Variants in ANO1 observed in about 807,000 individuals in gnomAD.
ANO1 encodes the protein anoctamin-1.
ANO1 carries 59 observed loss-of-function variants against 124.0 expected under a neutral mutation model. The ratio of observed to expected loss-of-function variants is 0.48; its 90% confidence interval spans 0.39 to 0.59. The LOEUF (loss-of-function observed/expected upper bound fraction) is 0.59. Among genes scored for constraint, ANO1 ranks in the 20% least tolerant of loss-of-function variants. The pLI is 0.00. For missense variants in ANO1, 1,059 were observed against 1,328.0 expected (o/e 0.80, Z 3.15); for synonymous variants, 529 against 532.0 (o/e 0.99, Z 0.08).
At chr11:69,989,181 G>A (rs782001132) in intron 1 of ANO1, among the ~76,000 whole-genome samples, 1 of 152,154 alleles carries the variant, frequency 6.6e-6, no homozygotes, top group Non-Finnish European at 1.5e-5. Flanking sequence ...ATGGCACAGA[G>A]AGATTATTTA....
rs549885904 is a variant in ANO1, at chr11:70,004,252, G to T, written c.58+18086G>T. On this transcript the variant is annotated intron_variant, in intron 1 of 27. Coordinates refer to the ANO1 transcript ENST00000531349. ...TGGTCTGTGCTAGACGTGAGCTTTA[G>T]AGTAGTGAGATGTAGTCCAGAACAC... Among the ~76,000 whole-genome samples, 483 of 152,056 alleles carry T rather than the reference G, an allele frequency of 3.2e-3. 4 individuals are homozygous for T. Among genetic ancestry groups the T allele is most frequent in the African/African-American group, 0.011 (463 of 41,514 alleles).
intron 1 of ANO1, among the ~76,000 whole-genome samples, chr11:70,058,018 A>G (rs1424031644): frequency 1.3e-5 from 2 of 152,160 alleles, no homozygotes; most frequent in Non-Finnish European, 2.9e-5. Flanking sequence ...GGGTAATTAG[A>G]GTGGGAGAGA....
intron 21 of ANO1, among the ~76,000 whole-genome samples, chr11:70,169,068 T>A (rs1341330246): frequency 1.3e-5 from 2 of 152,060 alleles, no homozygotes; most frequent in African/African-American, 2.4e-5. Context: ...GTCTGGGAGG[T>A]GGCTTCCCCT....
rs1050653790 is a variant in ANO1, at chr11:70,166,302, A to G, written c.2051+732A>G. On this transcript the variant is annotated intron_variant, in intron 20 of 25. Coordinates refer to ENST00000355303, the MANE Select transcript of ANO1 (RefSeq NM_018043.7). Reference sequence around the variant, plus strand: ...CACTGCACTCCAGCCTGGGCGACAGACCGAGACTCCGTCTCAAAAAAATAA... The same window carrying G: ...CACTGCACTCCAGCCTGGGCGACAGGCCGAGACTCCGTCTCAAAAAAATAA... Among the ~76,000 whole-genome samples the G allele has an allele frequency of 2.0e-5, 3 of 152,216 alleles. 1 individual carries two copies. Among genetic ancestry groups the G allele is most frequent in the Non-Finnish European group, 4.4e-5 (3 of 68,042 alleles).
chr11:70,022,666 A>C lies in ANO1; in HGVS notation c.58+36500A>C, dbSNP rs1057394580. Among the ~76,000 whole-genome samples the C allele has an allele frequency of 3.9e-4, 59 of 151,686 alleles. 2 individuals are homozygous for C. The highest frequency in any genetic ancestry group is 2.5e-3 in the Admixed American group (38 of 15,242). On this transcript the variant is annotated intron_variant, in intron 1 of 27. Transcript: ENST00000531349. The stretch of plus-strand genomic sequence containing the variant: ...TGGCCCCATAGAGCCAGCCTCACCT[A>C]GCTTGCTTTCCCCCAAATTTGAGTG...
rs200606553 is a variant in ANO1, at chr11:70,167,291, C to T, written c.2101C>T (p.Pro701Ser). The change falls in exon 21 of 26, where the codon CCT becomes TCT. Residue 701 changes from proline (P) to serine (S), a missense_variant. Pro to Ser is a moderately conservative substitution (Grantham distance 74). Coordinates refer to ENST00000355303, the MANE Select transcript of ANO1 (RefSeq NM_018043.7). ...CCTGAAGCTGAAGCAGCAGAGCCCCCCTGACCACGAGGAGTGTGTGAAGAG... is the reference window on the plus strand; with the variant it reads ...CCTGAAGCTGAAGCAGCAGAGCCCCTCTGACCACGAGGAGTGTGTGAAGAG... ...RYLKLKQQSP[P>S]DHEECVKRKQ... The T allele has an allele frequency of 5.0e-6, 8 of 1,613,878 alleles. No individual in the cohort carries two copies. The highest frequency in any genetic ancestry group is 2.2e-5 in the South Asian group (2 of 91,082).
intron 1 of ANO1, among the ~76,000 whole-genome samples, chr11:70,012,285 C>CCCATCCATCCATCCATTGTT (rs1393506617): frequency 7.6e-5 from 11 of 144,116 alleles, no homozygotes; most frequent in Middle Eastern, 5.3e-3. Flanking sequence ...CATCCTTTCA[C>CCCATCCATCCATCCATTGTT]CCATCCATCC....
intron 1 of ANO1, among the ~76,000 whole-genome samples, chr11:69,996,868 C>A (rs1406448599): frequency 2.6e-5 from 4 of 152,240 alleles, no homozygotes; most frequent in Admixed American, 2.0e-4. Context: ...GTCTCTGTAA[C>A]AGAATGCCAG....
chr11:69,977,515 C>A, the ANO1 span, among the ~76,000 whole-genome samples: 1 of 152,220 alleles, frequency 6.6e-6, no homozygotes, highest in South Asian at 2.1e-4. Flanking sequence ...TGGCCCCCAG[C>A]CCTCCCAGCC....
chr11:70,022,890 A>T (rs4980742), intron 1 of ANO1, among the ~76,000 whole-genome samples: 117,058 of 152,004 alleles, frequency 0.77, 45,394 homozygotes, highest in East Asian at 0.94. Context: ...CATCACAGGG[A>T]GCTTATAAGT....
intron 8 of ANO1, among the ~76,000 whole-genome samples, chr11:70,121,563 CTCTA>C (rs1397209740): frequency 1.2e-4 from 14 of 121,252 alleles, no homozygotes; most frequent in African/African-American, 3.0e-4. Flanking sequence ...TCCCACCTCT[CTCTA>C]TCTGTCTCTC....
intron 1 of ANO1, among the ~76,000 whole-genome samples, chr11:70,080,697 A>G (rs112113102): frequency 0.042 from 6,348 of 152,336 alleles, 410 homozygotes; most frequent in African/African-American, 0.14. Context: ...AGCTGGGCCC[A>G]GATGAGACCA....
At chr11:70,181,377 G>A (rs1470512021) in intron 23 of ANO1, among the ~76,000 whole-genome samples, 1 of 152,218 alleles carries the variant, frequency 6.6e-6, no homozygotes, top group East Asian at 1.9e-4. Context: ...CCCTCTGACA[G>A]TGCCCTTTCC....
In ANO1 at chr11:69,995,101, T is replaced by TGTTTTTTTG. The variant is rs56103264; in HGVS notation, c.58+8935_58+8936insGTTTTTTTG. On this transcript the variant is annotated intron_variant, in intron 1 of 27. Coordinates refer to the ANO1 transcript ENST00000531349. ...GCACAAATGCTGGCACTGTTTTTTT[T>TGTTTTTTTG]TTTTTTTTTTTTTTTTGAGATGGAA... Among the ~76,000 whole-genome samples, 10 of 147,244 alleles carry TGTTTTTTTG rather than the reference T, an allele frequency of 6.8e-5. 1 individual carries two copies. The highest frequency in any genetic ancestry group is 1.0e-4 in the African/African-American group (4 of 39,088).
intron 1 of ANO1, among the ~76,000 whole-genome samples, chr11:69,987,115 A>T (rs1169454033): frequency 6.6e-6 from 1 of 151,914 alleles, no homozygotes; most frequent in Admixed American, 6.6e-5. Context: ...GCTTCTTTCT[A>T]GAAGTGACAC....
At chr11:69,997,285 C>A (rs1856288225) in intron 1 of ANO1, among the ~76,000 whole-genome samples, 1 of 152,122 alleles carries the variant, frequency 6.6e-6, no homozygotes, top group African/African-American at 2.4e-5. Flanking sequence ...TACCCCCACC[C>A]CCACCTCCAC....
chr11:70,069,176 C>T (rs912412081), intron 1 of ANO1, among the ~76,000 whole-genome samples: 33 of 152,310 alleles, frequency 2.2e-4, no homozygotes, highest in Admixed American at 6.5e-4. Context: ...GAATTGGAAG[C>T]CCCACCATCC....
intron 23 of ANO1, among the ~76,000 whole-genome samples, chr11:70,180,457 G>A (rs1010787762): frequency 6.6e-6 from 1 of 152,144 alleles, no homozygotes; most frequent in Non-Finnish European, 1.5e-5. Context: ...ATTTTTAGTA[G>A]AGACGGGGTT....
chr11:70,159,529 A>G lies in ANO1; in HGVS notation c.1579-1632A>G, dbSNP rs1340600724. Among the ~76,000 whole-genome samples the G allele has an allele frequency of 5.3e-5, 8 of 152,220 alleles. 1 individual carries two copies. The South Asian group carries it at 1.7e-3, about 31-fold the overall frequency. The stretch of plus-strand genomic sequence containing the variant: ...TTGAAGAGGACACAGCTTTGTCTTC[A>G]ACTTGGGAGTTTCATTCAGCGAACA... On this transcript the variant is annotated intron_variant, in intron 16 of 25. Transcript: ENST00000355303.
Sources: allele counts gnomAD v4.1 joint callset (sites outside exome capture counted in the v4.1 genomes callset), GRCh38; gene constraint gnomAD v4.1.1; transcripts MANE v1.5; gene names NCBI Gene and HGNC (gene_info 2026-07-23, HGNC 2026-07-21).